Variants in ICA1L observed in about 807,000 individuals in gnomAD.
The protein encoded by ICA1L is islet cell autoantigen 1-like protein.
ICA1L carries 50 observed loss-of-function variants against 61.3 expected under a neutral mutation model. The observed-to-expected ratio is 0.82, with a 90% CI of 0.65 to 1.03. The LOEUF is 1.03. Ranked by LOEUF, ICA1L falls within the 50% of genes least tolerant of loss-of-function variation. The probability of loss-of-function intolerance (pLI) is 0.00; values close to 1 mark genes in which losing one functional copy is unlikely to be tolerated. For synonymous variants in ICA1L, 161 were observed against 191.3 expected (o/e 0.84, Z 1.31); for missense variants, 508 against 556.7 (o/e 0.91, Z 0.88).
At chr2:202,852,340 G>T (rs960422822) in intron 1 of ICA1L, among the ~76,000 whole-genome samples, 3 of 152,026 alleles carry the variant, frequency 2.0e-5, no homozygotes, top group Admixed American at 6.6e-5. Context: ...TTCCACAATG[G>T]TTGAACTAGT....
intron 9 of ICA1L, among the ~76,000 whole-genome samples, 194 bp from the exon 10 acceptor site, chr2:202,797,158 GTGTGTA>G (rs1692957201): frequency 7.1e-6 from 1 of 139,880 alleles, no homozygotes; most frequent in African/African-American, 2.7e-5. Flanking sequence ...GTGTGTGTGT[GTGTGTA>G]TATGTATATA....
intron 9 of ICA1L, among the ~76,000 whole-genome samples, chr2:202,800,074 G>T (rs1011480750): frequency 1.3e-5 from 2 of 151,846 alleles, no homozygotes; most frequent in Non-Finnish European, 2.9e-5. Context: ...GTAGAGATGG[G>T]ATTTCACCAT....
intron 3 of ICA1L, among the ~76,000 whole-genome samples, chr2:202,823,020 T>G (rs981145626): frequency 6.6e-6 from 1 of 152,192 alleles, no homozygotes; most frequent in African/African-American, 2.4e-5. Context: ...TATACCTCAA[T>G]TAAAACTACT....
intron 1 of ICA1L, among the ~76,000 whole-genome samples, chr2:202,869,290 G>A (rs192269889): frequency 1.7e-3 from 258 of 151,964 alleles, no homozygotes; most frequent in Non-Finnish European, 2.3e-3. Flanking sequence ...CCCGGGAGGC[G>A]GAGCTTGCAG....
chr2:202,822,889 T>G (rs1419195607), intron 3 of ICA1L, among the ~76,000 whole-genome samples: 3 of 152,184 alleles, frequency 2.0e-5, no homozygotes, highest in Non-Finnish European at 4.4e-5. Context: ...TCATCTCTAA[T>G]AAAACCATGA....
chr2:202,870,640 G>A (rs1412188977), intron 1 of ICA1L: 1 of 152,114 alleles, frequency 6.6e-6, no homozygotes, highest in Non-Finnish European at 1.5e-5. Context: ...AAGTAATATC[G>A]TCTTACAGTA....
chr2:202,782,251 A>G (rs1481888210), intron 12 of ICA1L, among the ~76,000 whole-genome samples: 2 of 152,094 alleles, frequency 1.3e-5, no homozygotes, highest in African/African-American at 2.4e-5. Flanking sequence ...AGGCTGAGAC[A>G]GGAGAATTGC....
Position 202,810,080 on chromosome 2 carries a change from G to A in ICA1L, c.910+1666C>T, listed in dbSNP as rs556126169. Among the ~76,000 whole-genome samples the A allele has an allele frequency of 5.9e-5, 9 of 152,216 alleles. No individual in the cohort carries two copies. In the East Asian group the frequency reaches 1.7e-3, roughly 29 times the overall value. ...TCCCAAAGGTCAACGATAAAGAAAA[G>A]ATCCTAAAAGCAGCAAAAGAAAAGA... On this transcript the variant is annotated intron_variant, in intron 9 of 12. Transcript: ENST00000358299.
At chr2:202,799,371 G>A (rs1028079350) in intron 9 of ICA1L, among the ~76,000 whole-genome samples, 1 of 152,146 alleles carries the variant, frequency 6.6e-6, no homozygotes, top group African/African-American at 2.4e-5. Context: ...CTGATGATTA[G>A]TGATGTTTAG....
At chr2:202,822,240 C>T (rs1419144360) in intron 3 of ICA1L, among the ~76,000 whole-genome samples, 2 of 152,138 alleles carry the variant, frequency 1.3e-5, no homozygotes, top group Non-Finnish European at 2.9e-5. Flanking sequence ...TAGCTCACTG[C>T]AACCTCGAAT....
In ICA1L at chr2:202,779,600, G is replaced by GCAAA. The variant is rs755558522; in HGVS notation, c.1378_1381dup (p.Ala461ValfsTer18). 3 of 1,613,394 alleles carry GCAAA rather than the reference G, an allele frequency of 1.9e-6. No individual in the cohort carries two copies. The South Asian group carries it at 3.3e-5, about 18-fold the overall frequency. On this transcript the variant is annotated frameshift_variant, in exon 13 of 13. Coordinates refer to ENST00000358299, the MANE Select transcript of ICA1L (RefSeq NM_001288622.3). LOFTEE classifies it high-confidence loss of function. ...TGGGTTTGAAAGTGGATCCAAGTCTGCAAACAGATTGAACCAGGCTGACAT... is the reference window on the plus strand; with the variant it reads ...TGGGTTTGAAAGTGGATCCAAGTCTGCAAACAAACAGATTGAACCAGGCTGACAT...
intron 9 of ICA1L, among the ~76,000 whole-genome samples, 168 bp from the exon 10 acceptor site, chr2:202,797,132 T>TTGTG (rs58006631): frequency 0.11 from 15,532 of 147,692 alleles, 804 homozygotes; most frequent in East Asian, 0.15. Context: ...AAAATCACAT[T>TTGTG]TGTGTGTGTG....
At chr2:202,781,852 A>T (rs1225698064) in intron 12 of ICA1L, among the ~76,000 whole-genome samples, 1 of 152,166 alleles carries the variant, frequency 6.6e-6, no homozygotes, top group Non-Finnish European at 1.5e-5. Flanking sequence ...TCCAAGTGGT[A>T]TTACCAATTT....
rs1313981262 is a variant in ICA1L, at chr2:202,779,401, A to C, written c.*132T>G. The C allele has an allele frequency of 1.8e-6, 1 of 563,254 alleles. No individual in the cohort carries two copies. Among genetic ancestry groups the C allele is most frequent in the African/African-American group, 1.9e-5 (1 of 52,998 alleles). The allele number at this position is 563,254 out of a possible 1,614,324, so 34.9% of individuals were successfully genotyped here. ...AATGTGGTCTTTACCATCTGTCTAA[A>C]GTTGGCTGACAGGTGTTATATTCAC... On this transcript the variant is annotated 3_prime_UTR_variant, in exon 13 of 13. Coordinates refer to ENST00000358299, the MANE Select transcript of ICA1L (RefSeq NM_001288622.3).
At chr2:202,834,237 G>C (rs996636692) in intron 1 of ICA1L, among the ~76,000 whole-genome samples, 2 of 151,990 alleles carry the variant, frequency 1.3e-5, no homozygotes, top group Admixed American at 1.3e-4. Flanking sequence ...CAGATAATTT[G>C]GATTTATAGA....
chr2:202,798,980 T>G (rs1693016465), intron 9 of ICA1L, among the ~76,000 whole-genome samples: 1 of 152,024 alleles, frequency 6.6e-6, no homozygotes, highest in Non-Finnish European at 1.5e-5. Flanking sequence ...TGAATGGTAT[T>G]CCATTGTGTA....
intron 1 of ICA1L, among the ~76,000 whole-genome samples, chr2:202,855,099 A>G (rs1268124314): frequency 6.6e-6 from 1 of 152,234 alleles, no homozygotes; most frequent in African/African-American, 2.4e-5. Flanking sequence ...TTTGAAACCA[A>G]TGAGAACAAA....
At chr2:202,814,838 T>C (rs1693486064) in intron 7 of ICA1L, 54 bp from the exon 8 acceptor site, 1 of 1,168,688 alleles carries the variant, frequency 8.6e-7, no homozygotes, top group Non-Finnish European at 1.3e-6. Context: ...TTTCTTCTTC[T>C]CTGCAAAGAA....
At chr2:202,793,156 TTAAAAA>T (rs1297833100) in intron 10 of ICA1L, among the ~76,000 whole-genome samples, 4 of 152,160 alleles carry the variant, frequency 2.6e-5, no homozygotes, top group South Asian at 2.1e-4. Context: ...AATAGAGCTG[TTAAAAA>T]TAAAAAGAAA....
Sources: allele counts gnomAD v4.1 joint callset (sites outside exome capture counted in the v4.1 genomes callset), GRCh38; gene constraint gnomAD v4.1.1; transcripts MANE v1.5; gene names NCBI Gene and HGNC (gene_info 2026-07-23, HGNC 2026-07-21).